ROBO1: variants seen among roughly 807,000 people sequenced by gnomAD.
ROBO1 encodes the protein roundabout guidance receptor 1, also known as roundabout homolog 1.
ROBO1 carries 149 observed loss-of-function variants against 195.9 expected under a neutral mutation model. The observed-to-expected ratio is 0.76, with a 90% CI of 0.67 to 0.87. ROBO1 has a LOEUF of 0.87. Ranked by LOEUF, ROBO1 falls within the 40% of genes least tolerant of loss-of-function variation. The probability of loss-of-function intolerance (pLI) is 0.00; values close to 1 mark genes in which losing one functional copy is unlikely to be tolerated. For synonymous variants in ROBO1, 816 were observed against 733.2 expected (o/e 1.11, Z -1.82); for missense variants, 1,933 against 2,068.3 (o/e 0.93, Z 1.27).
chr3:78,775,222 A>G (rs1480537387), intron 4 of ROBO1, among the ~76,000 whole-genome samples: 1 of 152,172 alleles, frequency 6.6e-6, no homozygotes, highest in Non-Finnish European at 1.5e-5. Context: ...CCACTAAATT[A>G]CCTAGATGAA....
intron 1 of ROBO1, among the ~76,000 whole-genome samples, chr3:79,659,733 A>G (rs1054322657): frequency 6.6e-5 from 10 of 152,104 alleles, no homozygotes; most frequent in African/African-American, 2.4e-4. Context: ...AGAGTTACTA[A>G]GCCACCATGT....
At chr3:78,831,300 G>A (rs2032179663) in intron 4 of ROBO1, among the ~76,000 whole-genome samples, 1 of 152,000 alleles carries the variant, frequency 6.6e-6, no homozygotes, top group Non-Finnish European at 1.5e-5. Flanking sequence ...GTAAAGGTTT[G>A]GTGACACAAA....
At chr3:79,582,178 T>A (rs994982418) in intron 2 of ROBO1, among the ~76,000 whole-genome samples, 7 of 151,794 alleles carry the variant, frequency 4.6e-5, no homozygotes, top group African/African-American at 1.7e-4. Flanking sequence ...TATACAATAT[T>A]TAGAATCTAA....
intron 2 of ROBO1, among the ~76,000 whole-genome samples, chr3:79,433,333 T>C (rs566517370): frequency 6.6e-6 from 1 of 152,308 alleles, no homozygotes; most frequent in African/African-American, 2.4e-5. Context: ...TCCAGCTCCA[T>C]CTATGCATCT....
intron 28 of ROBO1, among the ~76,000 whole-genome samples, chr3:78,614,302 G>T (rs1703979822): frequency 1.3e-5 from 2 of 152,080 alleles, no homozygotes; most frequent in Admixed American, 1.3e-4. Flanking sequence ...ACACTTTGGA[G>T]GATTTATCAG....
chr3:79,050,862 G>A (rs2078683157), intron 3 of ROBO1, among the ~76,000 whole-genome samples: 1 of 152,160 alleles, frequency 6.6e-6, no homozygotes, highest in Non-Finnish European at 1.5e-5. Context: ...TGAAGCCAGT[G>A]AGAACAAAGA....
intron 2 of ROBO1, among the ~76,000 whole-genome samples, chr3:79,260,489 T>G (rs1311196965): frequency 6.6e-6 from 1 of 152,160 alleles, no homozygotes; most frequent in Non-Finnish European, 1.5e-5. Flanking sequence ...ACCTCAGAAT[T>G]CAAATGTTCC....
At chr3:78,723,917 C>T (rs562450018) in intron 5 of ROBO1, among the ~76,000 whole-genome samples, 2 of 152,266 alleles carry the variant, frequency 1.3e-5, no homozygotes, top group East Asian at 1.9e-4. Flanking sequence ...TTCGTATACT[C>T]TCCCGCATAA....
At chr3:79,613,824 G>A (rs1055574751) in intron 1 of ROBO1, among the ~76,000 whole-genome samples, 15 of 151,932 alleles carry the variant, frequency 9.9e-5, no homozygotes, top group Non-Finnish European at 1.9e-4. Flanking sequence ...TAAAAGGTTC[G>A]GAGAAAGATG....
intron 1 of ROBO1, among the ~76,000 whole-genome samples, chr3:79,618,374 A>C (rs1024664612): frequency 1.3e-5 from 2 of 152,146 alleles, no homozygotes; most frequent in African/African-American, 4.8e-5. Context: ...CTGAAGAACC[A>C]CAAAAGAAGT....
intron 8 of ROBO1, among the ~76,000 whole-genome samples, chr3:78,711,604 G>A (rs532440023): frequency 4.0e-5 from 6 of 150,752 alleles, no homozygotes; most frequent in African/African-American, 7.3e-5. Context: ...TCCTGCCTCA[G>A]CCTCCAGAGT....
At chr3:78,924,798 G>A (rs775161424) in intron 4 of ROBO1, among the ~76,000 whole-genome samples, 23 of 152,004 alleles carry the variant, frequency 1.5e-4, no homozygotes, top group Non-Finnish European at 2.8e-4. Context: ...TCTGAATTTT[G>A]TGTCTCACTT....
At chr3:78,711,387 C>CT (rs778194288) in intron 8 of ROBO1, among the ~76,000 whole-genome samples, 163 of 39,806 alleles carry the variant, frequency 4.1e-3, no homozygotes, top group African/African-American at 0.011. Flanking sequence ...TCCTTCCTTC[C>CT]TTCCTTCCTT....
chr3:78,965,419 A>C (rs1332316054), intron 3 of ROBO1, among the ~76,000 whole-genome samples: 2 of 151,958 alleles, frequency 1.3e-5, no homozygotes, highest in African/African-American at 4.8e-5. Context: ...TTTTCATATC[A>C]TCTTTAAGCC....
chr3:79,115,854 A>G (rs2079983905), intron 3 of ROBO1, among the ~76,000 whole-genome samples: 1 of 152,166 alleles, frequency 6.6e-6, no homozygotes, highest in Non-Finnish European at 1.5e-5. Context: ...GCATTGTTCT[A>G]TATGTGGTTA....
chr3:79,548,227 G>A (rs777632128), intron 2 of ROBO1, among the ~76,000 whole-genome samples: 55 of 152,174 alleles, frequency 3.6e-4, no homozygotes, highest in Non-Finnish European at 1.3e-4. Context: ...GCAAGTTCAT[G>A]AGCCTATGAT....
intron 29 of ROBO1, among the ~76,000 whole-genome samples, chr3:78,605,454 C>A (rs1265138528): frequency 6.6e-6 from 1 of 152,178 alleles, no homozygotes; most frequent in East Asian, 1.9e-4. Context: ...AGTATTCATA[C>A]AACAGAAGTA....
chr3:79,506,613 T>A, intron 2 of ROBO1, among the ~76,000 whole-genome samples: 1 of 152,082 alleles, frequency 6.6e-6, no homozygotes. Context: ...CCCAGCTAAT[T>A]TTTGTACTTT....
rs1369895295 is a variant in ROBO1, at chr3:78,659,722, T to C, written c.2406A>G (p.Pro802=). 1.3e-6 allele frequency: 2 copies of C among 1,568,190 alleles called. No individual in the cohort carries two copies. Among genetic ancestry groups the C allele is most frequent in the Admixed American group, 3.8e-5 (2 of 53,084 alleles). ...GGACCATTCCATTTTGAGTGTCTTC[T>C]GGAGGTGGCTGCCAACTAACTAGAA... is the stretch of plus-strand genomic sequence containing the variant. The part of the protein sequence containing the change: ...TAILVSWQPP[P]EDTQNGMVQE... The change falls in exon 17 of 31, where the codon CCA becomes CCG. Residue 802 remains proline (P), a synonymous_variant. Coordinates refer to ENST00000464233, the MANE Select transcript of ROBO1 (RefSeq NM_002941.4).
Sources: allele counts gnomAD v4.1 joint callset (sites outside exome capture counted in the v4.1 genomes callset), GRCh38; gene constraint gnomAD v4.1.1; transcripts MANE v1.5; gene names NCBI Gene and HGNC (gene_info 2026-07-23, HGNC 2026-07-21).